The following ERG variants were observed in gnomAD, a reference collection of about 807,000 sequenced individuals.
ERG encodes ETS transcription factor ERG, also known as transcriptional regulator ERG.
In ERG, 9 loss-of-function variants were observed where a neutral mutation model predicts 55.3. That is an observed-to-expected ratio of 0.16 (90% CI 0.10 to 0.28). ERG has a LOEUF of 0.28. Ranked by LOEUF, ERG falls within the 10% of genes least tolerant of loss-of-function variation. ERG has a pLI of 1.00. For missense variants in ERG, 434 were observed against 631.6 expected, an observed-to-expected ratio of 0.69 and a Z score of 3.35; for synonymous variants, 223 against 237.3, an observed-to-expected ratio of 0.94 and a Z score of 0.55.
At chr21:38,554,571 G>A (rs1245742660) in intron 2 of ERG, among the ~76,000 whole-genome samples, 2 of 152,114 alleles carry the variant, frequency 1.3e-5, no homozygotes, top group Non-Finnish European at 2.9e-5. Flanking sequence ...TAACACAGGA[G>A]CGGAAAACCA....
At chr21:38,564,711 G>A (rs940505887) in intron 2 of ERG, among the ~76,000 whole-genome samples, 12 of 151,860 alleles carry the variant, frequency 7.9e-5, no homozygotes, top group African/African-American at 2.4e-4. Flanking sequence ...TCATCTCACC[G>A]AGACAGCAGT....
chr21:38,538,782 T>C (rs2059730147), intron 2 of ERG, among the ~76,000 whole-genome samples: 1 of 152,120 alleles, frequency 6.6e-6, no homozygotes, highest in Non-Finnish European at 1.5e-5. Flanking sequence ...GCTCTTGGCA[T>C]GGTTCTTGTT....
At chr21:38,463,469 T>C (rs971575294) in intron 1 of ERG, among the ~76,000 whole-genome samples, 6 of 152,216 alleles carry the variant, frequency 3.9e-5, no homozygotes, top group Non-Finnish European at 8.8e-5. Flanking sequence ...TTTTTCTCTT[T>C]TTCAGAGCCT....
At chr21:38,401,177 T>C (rs1481354835) in intron 5 of ERG, among the ~76,000 whole-genome samples, 2 of 152,244 alleles carry the variant, frequency 1.3e-5, no homozygotes, top group Non-Finnish European at 2.9e-5. Flanking sequence ...TCCCTTTTCA[T>C]AGTTCAGTCC....
In ERG at chr21:38,453,858, T is replaced by C. The variant is rs372633599; in HGVS notation, c.19-8237A>G. On this transcript the variant is annotated intron_variant, in intron 1 of 9. Transcript: ENST00000288319. ...GAGATCGCGCCACGGCACTCTAGCC[T>C]GGGCAACAAGAGAAAAACTCCATCA... 9.2e-5 allele frequency among the ~76,000 whole-genome samples: 12 copies of C among 130,808 alleles called. No homozygotes were observed. The East Asian group carries it at 1.8e-3, about 20-fold the overall frequency. 85.8% of individuals were successfully genotyped at this position (130,808 alleles called of 152,430 possible). A position where few individuals can be genotyped will look rare whatever the true frequency, so the allele number is the denominator to read the frequency against.
Position 38,382,177 on chromosome 21 carries a change from T to G in ERG, c.*1226A>C. The stretch of plus-strand genomic sequence containing the variant: ...GTCTCTTTTGTCGTGTGTCTTTGGC[T>G]GGCCGAGATCAACTCGTAGTGTATA... On this transcript the variant is annotated 3_prime_UTR_variant, in exon 10 of 10. Transcript: ENST00000288319. 9.5e-7 allele frequency: 1 copy of G among 1,049,918 alleles called. No homozygotes were observed. The highest frequency in any genetic ancestry group is 1.1e-6 in the Non-Finnish European group (1 of 869,808). 65.0% of individuals were successfully genotyped at this position (1,049,918 alleles called of 1,614,324 possible).
Position 38,564,575 on chromosome 21 carries a change from TTCTC to T in ERG, c.-41+11083_-41+11086del, listed in dbSNP as rs368309134. 1.9e-3 allele frequency among the ~76,000 whole-genome samples: 287 copies of T among 151,792 alleles called. 3 individuals carry two copies. The highest frequency in any genetic ancestry group is 6.8e-3 in the African/African-American group (281 of 41,248). ...TTTGCATATAAGCTGTCTGCACTTC[TTCTC>T]TCTCTCTCTTTTTTTTTGTTCATAT... On this transcript the variant is annotated intron_variant, in intron 2 of 8. Coordinates refer to the ERG transcript ENST00000398897.
intron 1 of ERG, among the ~76,000 whole-genome samples, chr21:38,496,251 C>T (rs1238402191): frequency 6.6e-6 from 1 of 152,136 alleles, no homozygotes; most frequent in South Asian, 2.1e-4. Flanking sequence ...AAATTCAGAG[C>T]ATCTGATACC....
intron 2 of ERG, among the ~76,000 whole-genome samples, chr21:38,554,711 C>A (rs530232735): frequency 2.0e-5 from 3 of 152,136 alleles, no homozygotes; most frequent in Admixed American, 1.3e-4. Context: ...TGAAAAACTA[C>A]CAATTGGGCA....
At chr21:38,572,138 C>T (rs533155170) in intron 2 of ERG, among the ~76,000 whole-genome samples, 6 of 149,910 alleles carry the variant, frequency 4.0e-5, no homozygotes, top group African/African-American at 4.9e-5. Flanking sequence ...AGGTGGATCA[C>T]GAGGTCAGGA....
chr21:38,448,001 A>G lies in ERG; in HGVS notation c.19-2380T>C, dbSNP rs190794636. On this transcript the variant is annotated intron_variant, in intron 1 of 9. Coordinates refer to ENST00000288319, the MANE Select transcript of ERG (RefSeq NM_182918.4). ...ACAATAACAAACAAGCAATAACTTT[A>G]AAGTATTAGTATTTCTCCAAGATAA... 9.5e-3 allele frequency among the ~76,000 whole-genome samples: 1,356 copies of G among 142,678 alleles called. 23 individuals are homozygous for G. Among genetic ancestry groups the G allele is most frequent in the African/African-American group, 0.032 (1,288 of 39,846 alleles). The allele number at this position is 142,678 out of a possible 152,430, so 93.6% of individuals were successfully genotyped here. A position where few individuals can be genotyped will look rare whatever the true frequency, so the allele number is the denominator to read the frequency against.
At chr21:38,565,387 C>T (rs1403159477) in intron 2 of ERG, among the ~76,000 whole-genome samples, 1 of 152,174 alleles carries the variant, frequency 6.6e-6, no homozygotes, top group African/African-American at 2.4e-5. Context: ...TGCTATGAAC[C>T]TTCCAATGGT....
intron 1 of ERG, among the ~76,000 whole-genome samples, chr21:38,620,515 G>A (rs990188984): frequency 1.3e-5 from 2 of 152,096 alleles, no homozygotes; most frequent in African/African-American, 4.8e-5. Flanking sequence ...TACTTTTACA[G>A]GTTACATTGT....
At chr21:38,567,646 GCA>G (rs1378600761) in intron 2 of ERG, among the ~76,000 whole-genome samples, 1 of 152,186 alleles carries the variant, frequency 6.6e-6, no homozygotes, top group African/African-American at 2.4e-5. Flanking sequence ...TTCCTGTGAA[GCA>G]CAGTTACTAT....
intron 1 of ERG, among the ~76,000 whole-genome samples, chr21:38,462,706 C>T (rs1006863139): frequency 2.0e-5 from 3 of 152,234 alleles, no homozygotes; most frequent in South Asian, 4.2e-4. Context: ...AACTGAGAGT[C>T]GGGGGTTGGC....
At chr21:38,573,879 T>C (rs2059978823) in intron 2 of ERG, among the ~76,000 whole-genome samples, 1 of 152,188 alleles carries the variant, frequency 6.6e-6, no homozygotes, top group Admixed American at 6.6e-5. Context: ...AGGTCACCCC[T>C]TCAGATAATA....
chr21:38,554,329 G>A (rs533779855), intron 2 of ERG, among the ~76,000 whole-genome samples: 20 of 152,160 alleles, frequency 1.3e-4, no homozygotes, highest in African/African-American at 4.3e-4. Context: ...CCCATCACTG[G>A]GTATATAAAG....
chr21:38,472,334 T>C (rs569599833), intron 1 of ERG, among the ~76,000 whole-genome samples: 16 of 152,296 alleles, frequency 1.1e-4, no homozygotes, highest in Non-Finnish European at 2.1e-4. Context: ...TTATGTAAAG[T>C]CAATGACGGG....
chr21:38,579,703 G>A lies in ERG; in HGVS notation c.-126-3956C>T, dbSNP rs76332358. Among the ~76,000 whole-genome samples the A allele has an allele frequency of 5.0e-3, 756 of 152,246 alleles. 15 individuals carry two copies. In the East Asian group the frequency reaches 0.075, roughly 15 times the overall value. ...CACACCAAAGGGATTCACTCAGCAC[G>A]CAGCGTGATGGCACTGCCACCCTCC... On this transcript the variant is annotated intron_variant, in intron 1 of 8. Coordinates refer to the ERG transcript ENST00000398897.
Sources: allele counts gnomAD v4.1 joint callset (sites outside exome capture counted in the v4.1 genomes callset), GRCh38; gene constraint gnomAD v4.1.1; transcripts MANE v1.5; gene names NCBI Gene and HGNC (gene_info 2026-07-23, HGNC 2026-07-21).